FLT4: variants seen among roughly 807,000 people sequenced by gnomAD.
FLT4 encodes the protein vascular endothelial growth factor receptor 3.
In FLT4, 30 loss-of-function variants were observed where a neutral mutation model predicts 163.2. That is an observed-to-expected ratio of 0.18 (90% CI 0.14 to 0.25). The LOEUF (loss-of-function observed/expected upper bound fraction) is 0.25, where lower values mean the gene tolerates loss of function less well. FLT4 is among the 10% of genes least tolerant of loss of function. The pLI is 1.00. For synonymous variants in FLT4, 884 were observed against 789.5 expected (o/e 1.12, Z -2.01); for missense variants, 1,510 against 1,863.8 (o/e 0.81, Z 3.50).
At chr5:180,637,312 A>G (rs1308044862) in intron 1 of FLT4, among the ~76,000 whole-genome samples, 2 of 149,072 alleles carry the variant, frequency 1.3e-5, no homozygotes, top group African/African-American at 2.5e-5. Flanking sequence ...CCTGGGACAG[A>G]GCGAGACTCC....
At chr5:180,611,855 G>T in intron 26 of FLT4, 1 of 357,652 alleles carries the variant, frequency 2.8e-6, no homozygotes. Context: ...TACATTTATG[G>T]ATGAGGCAGG....
At position 180,618,849 on chromosome 5, in the gene FLT4, C is replaced by T. The variant is rs2127806847; in HGVS notation, c.2922G>A (p.Pro974=). The change falls in exon 21 of 30, where the codon CCG becomes CCA. Residue 974 remains proline (P), a synonymous_variant. Transcript: ENST00000261937. The stretch of plus-strand genomic sequence containing the variant: ...CGAAGAGGACCCTGTCGCTGCTCCC[C>T]GGCCGCCTCCGATCCAGCCTGGCGA... ...VELARLDRRR[P]GSSDRVLFAR... The T allele has an allele frequency of 1.9e-6, 3 of 1,579,710 alleles. No homozygotes were observed. The highest frequency in any genetic ancestry group is 1.2e-5 in the South Asian group (1 of 86,540).
intron 1 of FLT4, among the ~76,000 whole-genome samples, chr5:180,642,971 T>C (rs34920558): frequency 0.04 from 6,020 of 152,296 alleles, 170 homozygotes; most frequent in South Asian, 0.12. Context: ...TGCCTCCGTA[T>C]TGCCACTGTA....
chr5:180,648,209 G>A (rs554011470), intron 1 of FLT4, among the ~76,000 whole-genome samples: 4 of 152,316 alleles, frequency 2.6e-5, no homozygotes, highest in African/African-American at 4.8e-5. Flanking sequence ...CAAGGGCAGC[G>A]CCCTGATCTG....
chr5:180,619,413 C>T (rs1762939107), intron 18 of FLT4, 47 bp from the exon 19 acceptor site: 1 of 1,312,040 alleles, frequency 7.6e-7, no homozygotes, highest in Non-Finnish European at 1.0e-6. Context: ...TGGCAGGTCC[C>T]CGTTCCCCGC....
intron 1 of FLT4, among the ~76,000 whole-genome samples, chr5:180,642,098 T>C (rs1765171342): frequency 6.6e-6 from 1 of 151,390 alleles, no homozygotes; most frequent in Non-Finnish European, 1.5e-5. Context: ...TCCCAGCTAC[T>C]CGAGAGGCTG....
At position 180,649,517 on chromosome 5, in the gene FLT4, C is replaced by T. The variant is rs758148540; in HGVS notation, c.29G>A (p.Arg10Gln). 6.9e-7 allele frequency: 1 copy of T among 1,451,640 alleles called. No homozygotes were observed. Among genetic ancestry groups the T allele is most frequent in the East Asian group, 3.1e-5 (1 of 32,214 alleles). 89.9% of individuals were successfully genotyped at this position (1,451,640 alleles called of 1,614,324 possible). A position where few individuals can be genotyped will look rare whatever the true frequency, so the allele number is the denominator to read the frequency against. The change falls in exon 1 of 30, where the codon CGA (arginine) becomes CAA (glutamine). Residue 10 changes from arginine to glutamine, a missense_variant. Coordinates refer to ENST00000261937, the MANE Select transcript of FLT4 (RefSeq NM_182925.5). ...CAGGAGTCCCAGGCAGAGCCACAGT[C>T]GCAGGCACAGCGCGGCGCCCCGCTG... MQRGAALCLRLWLCLGLLDG... is the reference protein window; with the variant it reads MQRGAALCLQLWLCLGLLDG...
chr5:180,637,083 A>G (rs1289437923), intron 1 of FLT4, among the ~76,000 whole-genome samples: 1 of 152,128 alleles, frequency 6.6e-6, no homozygotes, highest in Non-Finnish European at 1.5e-5. Context: ...GGCTGGGCAC[A>G]GTGGCTCATG....
At position 180,609,998 on chromosome 5, in the gene FLT4, C is replaced by T. The variant is rs370452038; in HGVS notation, c.3714G>A (p.Gly1238=). ...ARYYNWVSFP[G]CLARGAETRG... The stretch of plus-strand genomic sequence containing the variant: ...GGGTCTCAGCCCCTCTGGCCAGGCA[C>T]CCGGGAAAGGACACCCAGTTGTAAT... The change falls in exon 28 of 30, where the codon GGG becomes GGA. Residue 1238 remains glycine (G), a synonymous_variant. Coordinates refer to ENST00000261937, the MANE Select transcript of FLT4 (RefSeq NM_182925.5). 3.7e-6 allele frequency: 6 copies of T among 1,614,052 alleles called. No individual in the cohort carries two copies. The African/African-American group carries it at 5.3e-5, about 14-fold the overall frequency.
At chr5:180,608,145 G>A (rs1448718854) in intron 29 of FLT4, 2 of 700,420 alleles carry the variant, frequency 2.9e-6, no homozygotes, top group East Asian at 5.4e-5. Context: ...TGCTCCTCTT[G>A]TCCTCCTGGT....
At chr5:180,633,715 G>GT (rs1764342643) in intron 1 of FLT4, among the ~76,000 whole-genome samples, 1 of 152,188 alleles carries the variant, frequency 6.6e-6, no homozygotes, top group Admixed American at 6.5e-5. Flanking sequence ...AGCTGGGCAT[G>GT]TATGTGGGCA....
chr5:180,611,621 G>A (rs1376253062), intron 26 of FLT4, 142 bp from the exon 27 acceptor site: 28 of 829,586 alleles, frequency 3.4e-5, no homozygotes, highest in Admixed American at 1.9e-4. Flanking sequence ...TCTCGCCCCC[G>A]CCCTCGCCCT....
rs1338815640 is a variant in FLT4, at chr5:180,619,030, G to C, written c.2841C>G (p.Ser947Arg). 1 of 1,553,428 alleles carries C rather than the reference G, an allele frequency of 6.4e-7. No homozygotes were observed. ...CAGGCCGCCCGCTCACCGCGCAGGG[G>C]CTGAAGGCGTCCCGCTTGGCGCGCA... ...NFLRAKRDAF[S>R]PCAEKSPEQR... Residue 947 changes from serine to arginine, a missense_variant, in exon 20 of 30, where the codon AGC becomes AGG. Physicochemically the swap from Ser to Arg is moderately radical, Grantham distance 110. Around this residue, in one of 5 missense-constraint regions of FLT4, gnomAD observed 878 missense variants for 1,016.7 expected, o/e 0.86. Coordinates refer to ENST00000261937, the MANE Select transcript of FLT4 (RefSeq NM_182925.5).
chr5:180,605,646 C>T (rs1761742931), intron 29 of FLT4, among the ~76,000 whole-genome samples: 1 of 152,210 alleles, frequency 6.6e-6, no homozygotes, highest in African/African-American at 2.4e-5. Context: ...AAACCCATAT[C>T]TTTGGCATCT....
chr5:180,644,162 C>T lies in FLT4; in HGVS notation c.58+5326G>A, dbSNP rs114921141. ...AGACAAGGGCTTCTGTGTGTCTTTTCGTCGTGGCATATTCCCAGGATTGGA... is the reference window on the plus strand; with the variant it reads ...AGACAAGGGCTTCTGTGTGTCTTTTTGTCGTGGCATATTCCCAGGATTGGA... On this transcript the variant is annotated intron_variant, in intron 1 of 29. Transcript: ENST00000261937. 3.9e-5 allele frequency among the ~76,000 whole-genome samples: 6 copies of T among 152,308 alleles called. No homozygotes were observed. The South Asian group carries it at 6.2e-4, about 16-fold the overall frequency.
chr5:180,628,591 C>T (rs1426864579), intron 8 of FLT4, among the ~76,000 whole-genome samples: 1 of 152,344 alleles, frequency 6.6e-6, no homozygotes, highest in East Asian at 1.9e-4. Context: ...AGGGGCCCAG[C>T]GGTCAGGAGG....
In FLT4 at chr5:180,602,768, G is replaced by A; in HGVS notation, c.*424C>T. On this transcript the variant is annotated 3_prime_UTR_variant, in exon 30 of 30. Coordinates refer to ENST00000261937, the MANE Select transcript of FLT4 (RefSeq NM_182925.5). ...CCTGAGGAGGAAAGGGCGTTTGGGA[G>A]ACCTCTGCTCTCGTATGCCTTAACC... The A allele has an allele frequency of 2.1e-6, 1 of 472,456 alleles. No homozygotes were observed. The highest frequency in any genetic ancestry group is 3.7e-6 in the Non-Finnish European group (1 of 269,648). 29.3% of individuals were successfully genotyped at this position (472,456 alleles called of 1,614,324 possible).
chr5:180,618,956 T>C (rs1762894454), intron 20 of FLT4, 36 bp from the exon 21 acceptor site: 1 of 1,558,838 alleles, frequency 6.4e-7, no homozygotes, highest in Non-Finnish European at 8.7e-7. Context: ...GGGCGCCCAG[T>C]CGTCCGCCGC....
At chr5:180,622,931 C>T (rs1007973263) in intron 11 of FLT4, 92 bp from the exon 12 acceptor site, 3 of 792,832 alleles carry the variant, frequency 3.8e-6, no homozygotes, top group Non-Finnish European at 6.4e-6. Flanking sequence ...GTGCACCACC[C>T]CCCCCAATCA....
Sources: allele counts gnomAD v4.1 joint callset (sites outside exome capture counted in the v4.1 genomes callset), GRCh38; gene constraint gnomAD v4.1.1; regional missense constraint gnomAD v4.1.1; transcripts MANE v1.5; gene names NCBI Gene and HGNC (gene_info 2026-07-23, HGNC 2026-07-21).